Variants in COL23A1 observed in about 807,000 individuals in gnomAD.
COL23A1 encodes collagen alpha-1(XXIII) chain.
A neutral mutation model predicts 99.3 loss-of-function variants in COL23A1; 97 were observed. The observed-to-expected ratio is 0.98, with a 90% CI of 0.83 to 1.16. The LOEUF (loss-of-function observed/expected upper bound fraction) is 1.16, where lower values mean the gene tolerates loss of function less well. Ranked by LOEUF, COL23A1 falls within the 50% of genes most tolerant of loss-of-function variation. The probability of loss-of-function intolerance (pLI) is 0.00; values close to 1 mark genes in which losing one functional copy is unlikely to be tolerated. For missense variants in COL23A1, 762 were observed against 757.4 expected (o/e 1.01, Z -0.07); for synonymous variants, 320 against 308.2 (o/e 1.04, Z -0.40).
Position 178,255,015 on chromosome 5 carries a change from G to T in COL23A1, c.894C>A (p.Gly298=). The change falls in exon 16 of 29, where the codon GGC becomes GGA. Residue 298 remains glycine, a synonymous_variant. Transcript: ENST00000390654. This position sits in a 1 kb window ranked among gnomAD's most constrained non-coding sequence, Gnocchi z 4.2. ...DGAAGPRGAP[G]LKGEQGDTVV... ...CTGTGTCTCCCTGCTCGCCCTTGAG[G>T]CCTGGGGCACCCTGAGGCAGGAAGA... 3 of 1,613,438 alleles carry T rather than the reference G, an allele frequency of 1.9e-6. No homozygotes were observed. Among genetic ancestry groups the T allele is most frequent in the Non-Finnish European group, 2.5e-6 (3 of 1,179,596 alleles).
intron 2 of COL23A1, among the ~76,000 whole-genome samples, chr5:178,358,315 T>C (rs1207735785): frequency 7.0e-6 from 1 of 143,122 alleles, no homozygotes; most frequent in Non-Finnish European, 1.5e-5. Flanking sequence ...TATGTGTGTG[T>C]ATGTGTATGT....
chr5:178,529,120 T>A (rs1480567445), intron 2 of COL23A1, among the ~76,000 whole-genome samples: 3 of 152,220 alleles, frequency 2.0e-5, no homozygotes, highest in Non-Finnish European at 4.4e-5. Flanking sequence ...GTCTGGAATG[T>A]CTGATATGGC....
intron 2 of COL23A1, among the ~76,000 whole-genome samples, chr5:178,322,622 A>G (rs1423251551): frequency 6.6e-6 from 1 of 151,444 alleles, no homozygotes; most frequent in Non-Finnish European, 1.5e-5. Flanking sequence ...ACCCCTCTCC[A>G]GGTCATGTGA....
chr5:178,473,091 C>G (rs1756844984), intron 2 of COL23A1, among the ~76,000 whole-genome samples: 1 of 27,468 alleles, frequency 3.6e-5, no homozygotes, highest in Admixed American at 5.5e-4. Flanking sequence ...CCACTGCACT[C>G]CAGCCTGGGT....
intron 2 of COL23A1, among the ~76,000 whole-genome samples, chr5:178,326,961 G>T (rs536370280): frequency 5.9e-5 from 9 of 152,262 alleles, no homozygotes; most frequent in East Asian, 1.9e-4. Context: ...TTCGTGATCC[G>T]CCCACCTTGG....
chr5:178,361,193 A>C (rs895567882), intron 2 of COL23A1, among the ~76,000 whole-genome samples: 1 of 152,222 alleles, frequency 6.6e-6, no homozygotes, highest in African/African-American at 2.4e-5. Context: ...TTACTACCAC[A>C]AAAGGAAAAC....
rs77133481 is a variant in COL23A1 at position 178,522,794 on chromosome 5, G to A, written c.361+37888C>T. 6.0e-3 allele frequency among the ~76,000 whole-genome samples: 920 copies of A among 152,216 alleles called. 9 individuals carry two copies. The highest frequency in any genetic ancestry group is 0.021 in the African/African-American group (853 of 41,534). On this transcript the variant is annotated intron_variant, in intron 2 of 28. Transcript: ENST00000390654. ...CTGCCCAGGACCAGACGTGGCCTACGGGGACTGCCAGTGAGCTCTGCCCGA... is the reference window on the plus strand; with the variant it reads ...CTGCCCAGGACCAGACGTGGCCTACAGGGACTGCCAGTGAGCTCTGCCCGA...
chr5:178,321,393 A>ATTTGTCCTGTGACTGTCTTG (rs1307505739), intron 2 of COL23A1, among the ~76,000 whole-genome samples: 42 of 149,354 alleles, frequency 2.8e-4, no homozygotes, highest in Admixed American at 1.0e-3. Context: ...GCTCAGCAGC[A>ATTTGTCCTGTGACTGTCTTG]TTTGTCCTGT....
intron 25 of COL23A1, among the ~76,000 whole-genome samples, chr5:178,245,158 C>T (rs1449641385): frequency 4.0e-5 from 6 of 150,622 alleles, no homozygotes; most frequent in Non-Finnish European, 4.4e-5. Context: ...TCCATCCATC[C>T]GTCCATCCCT....
chr5:178,464,676 T>C lies in COL23A1; in HGVS notation c.361+96006A>G, dbSNP rs758027156. On this transcript the variant is annotated intron_variant, in intron 2 of 28. Coordinates refer to ENST00000390654, the MANE Select transcript of COL23A1 (RefSeq NM_173465.4). ...GCTTCCCCACTTCACCATTAAACAA[T>C]AGAAAAAGCTGGATTTTTAAAGGGC... Among the ~76,000 whole-genome samples the C allele has an allele frequency of 2.6e-5, 4 of 152,178 alleles. No individual in the cohort carries two copies. In the East Asian group the frequency reaches 5.8e-4, roughly 22 times the overall value.
chr5:178,420,908 C>T (rs1262244969), intron 2 of COL23A1, among the ~76,000 whole-genome samples: 1 of 151,654 alleles, frequency 6.6e-6, no homozygotes, highest in Non-Finnish European at 1.5e-5. Context: ...AGTTCCATTC[C>T]CAAGGAAAAC....
intron 1 of COL23A1, among the ~76,000 whole-genome samples, chr5:178,574,630 C>G (rs562759): frequency 0.45 from 68,990 of 152,044 alleles, 17,221 homozygotes; most frequent in East Asian, 0.72. Flanking sequence ...TGTTTCCCCA[C>G]AAATATACAC....
chr5:178,325,356 C>T (rs1484329809), intron 2 of COL23A1, among the ~76,000 whole-genome samples: 2 of 152,258 alleles, frequency 1.3e-5, no homozygotes, highest in Admixed American at 6.5e-5. Context: ...GGACTTCCCT[C>T]TCCAGCCCGT....
At chr5:178,500,096 C>G (rs992038906) in intron 2 of COL23A1, among the ~76,000 whole-genome samples, 1 of 151,954 alleles carries the variant, frequency 6.6e-6, no homozygotes, top group Non-Finnish European at 1.5e-5. Context: ...TACAAAGAGG[C>G]AGGAGGCAGA....
chr5:178,403,788 G>C (rs911303552), intron 2 of COL23A1, among the ~76,000 whole-genome samples: 1 of 152,214 alleles, frequency 6.6e-6, no homozygotes, highest in African/African-American at 2.4e-5. Context: ...GAGGCCAAAG[G>C]AAAGAAAAGA....
intron 2 of COL23A1, among the ~76,000 whole-genome samples, chr5:178,379,837 C>T (rs931310898): frequency 2.0e-5 from 3 of 149,366 alleles, no homozygotes; most frequent in South Asian, 2.1e-4. Context: ...GCAGAGGTCA[C>T]GCCATTGCAC....
chr5:178,512,294 C>T (rs1759249670), intron 2 of COL23A1, among the ~76,000 whole-genome samples: 1 of 152,178 alleles, frequency 6.6e-6, no homozygotes, highest in Non-Finnish European at 1.5e-5. Flanking sequence ...ATATCTTGTG[C>T]AATAATGTTT....
At chr5:178,484,909 G>C (rs1051296031) in intron 2 of COL23A1, among the ~76,000 whole-genome samples, 16 of 151,606 alleles carry the variant, frequency 1.1e-4, no homozygotes, top group African/African-American at 3.9e-4. Flanking sequence ...TTTGTAAAGA[G>C]TCCAGCATAT....
rs1424895381 is a variant in COL23A1 at position 178,358,777 on chromosome 5, GTGTA to G, written c.362-51862_362-51859del. 9.9e-5 allele frequency among the ~76,000 whole-genome samples: 15 copies of G among 151,494 alleles called. 1 individual carries two copies. The highest frequency in any genetic ancestry group is 1.5e-4 in the Non-Finnish European group (10 of 67,776). ...TCTGTGTGTGTGTATGTGTGTGTAT[GTGTA>G]TGTGTGTAAACATGATATACCCATG... is the stretch of plus-strand genomic sequence containing the variant. On this transcript the variant is annotated intron_variant, in intron 2 of 28. Coordinates refer to ENST00000390654, the MANE Select transcript of COL23A1 (RefSeq NM_173465.4).
Sources: gnomAD v4.1 joint callset for allele counts (sites outside exome capture counted in the v4.1 genomes callset) on GRCh38, gnomAD v4.1.1 for gene constraint, Gnocchi (gnomAD v3.1) non-coding constraint, MANE v1.5 for transcripts, NCBI Gene and HGNC (gene_info 2026-07-23, HGNC 2026-07-21) for gene names.